Variants in PARN observed in about 807,000 individuals in gnomAD.
The protein encoded by PARN is poly(A)-specific ribonuclease PARN.
A neutral mutation model predicts 102.8 loss-of-function variants in PARN; 71 were observed. The ratio of observed to expected loss-of-function variants is 0.69; its 90% CI spans 0.57 to 0.84. The LOEUF (loss-of-function observed/expected upper bound fraction) is 0.84. Among genes scored for constraint, PARN ranks in the 40% least tolerant of loss-of-function variants. The pLI, the probability that PARN is intolerant of heterozygous loss-of-function variation, is 0.00. For missense variants in PARN, 782 were observed against 760.9 expected (o/e 1.03, Z -0.33); for synonymous variants, 261 against 252.9 (o/e 1.03, Z -0.30).
intron 5 of PARN, among the ~76,000 whole-genome samples, chr16:14,625,695 G>A (rs1212107490): frequency 2.0e-5 from 3 of 152,004 alleles, no homozygotes; most frequent in African/African-American, 4.8e-5. Context: ...ATTAACTCTC[G>A]ATTTCATTTG....
At chr16:14,473,639 G>A (rs1470889844) in intron 22 of PARN, among the ~76,000 whole-genome samples, 1 of 152,176 alleles carries the variant, frequency 6.6e-6, no homozygotes, top group African/African-American at 2.4e-5. Context: ...GGTGTCCCAA[G>A]AGGCCCAGGG....
In PARN at chr16:14,609,092, C is replaced by A; in HGVS notation, c.586G>T (p.Glu196Ter). The A allele has an allele frequency of 6.4e-7, 1 of 1,569,072 alleles. No homozygotes were observed. The highest frequency in any genetic ancestry group is 1.1e-5 in the South Asian group (1 of 87,358). The change falls in exon 8 of 24, where the codon GAA becomes TAA. Residue 196 changes from glutamate to a stop codon, truncating the protein, a stop_gained. Coordinates refer to ENST00000437198, the MANE Select transcript of PARN (RefSeq NM_002582.4). LOFTEE classifies it high-confidence loss of function. ...GGCTCTAAATCCAAGTTCTTGTTTT[C>A]TTCACTTTGTAATAAATCCTCTATT... ...EKIEDLLQSE[E>*]NKNLDLEPCT...
chr16:14,550,467 G>A (rs1274970315), intron 21 of PARN, among the ~76,000 whole-genome samples: 2 of 152,084 alleles, frequency 1.3e-5, no homozygotes, highest in Admixed American at 6.6e-5. Flanking sequence ...ACTATTATGC[G>A]CAGTTTACAG....
intron 21 of PARN, among the ~76,000 whole-genome samples, chr16:14,513,126 T>C (rs1965288699): frequency 6.6e-6 from 1 of 152,254 alleles, no homozygotes; most frequent in Non-Finnish European, 1.5e-5. Context: ...GGTTTCACCA[T>C]GTTGGCCAGG....
intron 23 of PARN, among the ~76,000 whole-genome samples, chr16:14,436,984 T>C (rs574487400): frequency 4.6e-5 from 7 of 152,320 alleles, no homozygotes; most frequent in African/African-American, 9.6e-5. Context: ...AGAAACATCA[T>C]GGGGGCGCGG....
chr16:14,604,260 TTC>T, intron 10 of PARN, 34 bp from the exon 11 acceptor site: 1 of 1,349,640 alleles, frequency 7.4e-7, no homozygotes, highest in East Asian at 2.4e-5. Flanking sequence ...CAATTTTCTT[TTC>T]TTTTTCTTTT....
chr16:14,618,513 T>C (rs1195586907), intron 5 of PARN, among the ~76,000 whole-genome samples: 1 of 148,554 alleles, frequency 6.7e-6, no homozygotes, highest in East Asian at 2.0e-4. Flanking sequence ...AAAAAAAAAT[T>C]AGCCAGGTGT....
chr16:14,584,238 A>C, intron 16 of PARN, 109 bp downstream of exon 16: 1 of 739,760 alleles, frequency 1.4e-6, no homozygotes, highest in East Asian at 2.6e-5. Context: ...ATTCAGCCAA[A>C]ATCTATAAAT....
At chr16:14,442,587 C>T (rs1363232918) in intron 23 of PARN, among the ~76,000 whole-genome samples, 1 of 149,426 alleles carries the variant, frequency 6.7e-6, no homozygotes, top group Non-Finnish European at 1.5e-5. Context: ...CTTGGCTTTC[C>T]CTCCCTCCCT....
rs377199187 is a variant in PARN, at chr16:14,482,695, C to G, written c.1613G>C (p.Arg538Pro). 93 of 1,613,674 alleles carry G rather than the reference C, an allele frequency of 5.8e-5. No individual in the cohort carries two copies. Among genetic ancestry groups the G allele is most frequent in the Admixed American group, 1.7e-4 (10 of 59,982 alleles). Reference protein sequence around the residue: ...EDSWKEADSKRLNPQCIPYTL... With the variant: ...EDSWKEADSKPLNPQCIPYTL... Reference sequence around the variant, plus strand: ...GTAGGGTATGCACTGGGGGTTTAACCGTTTGCTGTCAGCCTCCTTCCAGCT... The same window carrying G: ...GTAGGGTATGCACTGGGGGTTTAACGGTTTGCTGTCAGCCTCCTTCCAGCT... The change falls in exon 22 of 24, where the codon CGG (arginine) becomes CCG (proline). Residue 538 changes from arginine (R) to proline (P), a missense_variant. By Grantham distance (103) the Arg-to-Pro change is moderately radical (BLOSUM62 -2). Transcript: ENST00000437198.
intron 22 of PARN, among the ~76,000 whole-genome samples, chr16:14,462,194 G>GAGCT (rs780565479): frequency 1.3e-5 from 2 of 152,148 alleles, no homozygotes; most frequent in Non-Finnish European, 1.5e-5. Flanking sequence ...CAACAAGGAA[G>GAGCT]AGCTGTATGC....
At chr16:14,562,678 C>T (rs1159805503) in intron 18 of PARN, among the ~76,000 whole-genome samples, 1 of 151,730 alleles carries the variant, frequency 6.6e-6, no homozygotes, top group Non-Finnish European at 1.5e-5. Flanking sequence ...ACTCAAACTA[C>T]TCTCTTGGCA....
chr16:14,541,596 C>A (rs1315031170), intron 21 of PARN, among the ~76,000 whole-genome samples: 1 of 152,014 alleles, frequency 6.6e-6, no homozygotes, highest in Non-Finnish European at 1.5e-5. Context: ...CTGCCTTAGC[C>A]ACCTGAGTAG....
intron 21 of PARN, among the ~76,000 whole-genome samples, chr16:14,517,501 C>T (rs1965516724): frequency 6.6e-6 from 1 of 152,124 alleles, no homozygotes; most frequent in South Asian, 2.1e-4. Context: ...TTATGGGAAA[C>T]AGGTAAGTAT....
chr16:14,593,259 A>G, intron 13 of PARN, 42 bp downstream of exon 13: 1 of 1,041,432 alleles, frequency 9.6e-7, no homozygotes, highest in Non-Finnish European at 1.5e-6. Flanking sequence ...TCAGATAAAA[A>G]GAATCCTGCT....
intron 13 of PARN, among the ~76,000 whole-genome samples, chr16:14,588,313 GGATCACAGAAAGCCT>G (rs1345641264): frequency 6.6e-6 from 1 of 152,148 alleles, no homozygotes; most frequent in African/African-American, 2.4e-5. Context: ...AGGTTGGGCT[GGATCACAGAAAGCCT>G]GTTATGCATG....
intron 22 of PARN, among the ~76,000 whole-genome samples, chr16:14,462,197 C>G (rs772925435): frequency 1.4e-4 from 22 of 151,956 alleles, no homozygotes; most frequent in Non-Finnish European, 2.9e-4. Context: ...CAAGGAAGAG[C>G]TGTATGCATT....
intron 21 of PARN, among the ~76,000 whole-genome samples, chr16:14,544,998 G>A (rs901605176): frequency 3.9e-5 from 6 of 152,078 alleles, no homozygotes; most frequent in Non-Finnish European, 7.4e-5. Context: ...GTCAGCCTGC[G>A]TAACATGGTG....
chr16:14,522,093 T>C (rs1160864919), intron 21 of PARN, among the ~76,000 whole-genome samples: 1 of 152,182 alleles, frequency 6.6e-6, no homozygotes, highest in Non-Finnish European at 1.5e-5. Context: ...ACAACACATT[T>C]CTCAGAAGGT....
Sources: allele counts gnomAD v4.1 joint callset (sites outside exome capture counted in the v4.1 genomes callset), GRCh38; gene constraint gnomAD v4.1.1; transcripts MANE v1.5; gene names NCBI Gene and HGNC (gene_info 2026-07-23, HGNC 2026-07-21).